Variants in MYT1L observed in about 807,000 individuals in gnomAD.
MYT1L encodes myelin transcription factor 1-like protein.
A neutral mutation model predicts 126.7 loss-of-function variants in MYT1L; 12 were observed. The observed-to-expected ratio is 0.09, with a 90% CI of 0.06 to 0.15. The LOEUF (loss-of-function observed/expected upper bound fraction) is 0.15, where lower values mean the gene tolerates loss of function less well. Among genes scored for constraint, MYT1L ranks in the 10% least tolerant of loss-of-function variants. The probability of loss-of-function intolerance (pLI) is 1.00; values close to 1 mark genes in which losing one functional copy is unlikely to be tolerated. For synonymous variants in MYT1L, 541 were observed against 604.2 expected (o/e 0.90, Z 1.53); for missense variants, 979 against 1,585.2 (o/e 0.62, Z 6.49).
At chr2:2,122,837 ATGTGTGTGTGTGTGTG>A (rs200951880) in intron 3 of MYT1L, among the ~76,000 whole-genome samples, 38 of 135,602 alleles carry the variant, frequency 2.8e-4, no homozygotes, top group Middle Eastern at 3.7e-3. Flanking sequence ...GAGGATAGGA[ATGTGTGTGTGTGTGTG>A]TGTGTGTGTG....
At chr2:2,007,825 G>T (rs2063472323) in intron 4 of MYT1L, among the ~76,000 whole-genome samples, 1 of 152,142 alleles carries the variant, frequency 6.6e-6, no homozygotes, top group Non-Finnish European at 1.5e-5. Context: ...TGCCAAACTA[G>T]CTTTGGGAGA....
intron 11 of MYT1L, among the ~76,000 whole-genome samples, chr2:1,915,563 T>C (rs181113422): frequency 6.6e-6 from 1 of 152,306 alleles, no homozygotes; most frequent in Non-Finnish European, 1.5e-5. Context: ...ATAAAGAAAC[T>C]CTTTCTTCTT....
chr2:1,936,005 G>A (rs954517330), intron 9 of MYT1L, among the ~76,000 whole-genome samples: 2 of 152,098 alleles, frequency 1.3e-5, no homozygotes, highest in South Asian at 4.1e-4. Context: ...AGCAACCTCC[G>A]CCTCCCAAGT....
At chr2:2,312,515 A>T (rs1438942545) in intron 1 of MYT1L, among the ~76,000 whole-genome samples, 3 of 152,064 alleles carry the variant, frequency 2.0e-5, no homozygotes, top group African/African-American at 7.2e-5. Context: ...CAGGAGGCTG[A>T]GGTGGGAGGA....
At chr2:2,038,018 T>C (rs2067080688) in intron 4 of MYT1L, among the ~76,000 whole-genome samples, 1 of 152,176 alleles carries the variant, frequency 6.6e-6, no homozygotes, top group African/African-American at 2.4e-5. Flanking sequence ...ATAAACTCTT[T>C]GAGAGGAGGA....
chr2:2,256,194 G>A (rs576130999), intron 2 of MYT1L, among the ~76,000 whole-genome samples: 66 of 152,316 alleles, frequency 4.3e-4, no homozygotes, highest in Middle Eastern at 3.4e-3. Context: ...GACATGGCAC[G>A]CTGCTCAAAG....
intron 22 of MYT1L, among the ~76,000 whole-genome samples, chr2:1,802,256 TCCTCCCGC>T (rs1369795350): frequency 1.3e-5 from 2 of 151,718 alleles, no homozygotes; most frequent in Admixed American, 1.3e-4. Context: ...CAAGGCCAGG[TCCTCCCGC>T]CCTCACTCAG....
intron 13 of MYT1L, among the ~76,000 whole-genome samples, chr2:1,909,321 T>G (rs140923837): frequency 6.6e-6 from 1 of 152,096 alleles, no homozygotes; most frequent in Non-Finnish European, 1.5e-5. Flanking sequence ...CTCTCTTTAA[T>G]AGTAAAAGCA....
intron 2 of MYT1L, among the ~76,000 whole-genome samples, chr2:2,261,588 G>A (rs1387677478): frequency 1.3e-5 from 2 of 152,214 alleles, no homozygotes; most frequent in Non-Finnish European, 2.9e-5. Context: ...TTTGGCTAAT[G>A]AGGCAAATAG....
At position 2,181,470 on chromosome 2, in the gene MYT1L, C is replaced by T. The variant is rs140797986; in HGVS notation, c.-420-8482G>A. On this transcript the variant is annotated intron_variant, in intron 2 of 24. Coordinates refer to ENST00000647738, the MANE Select transcript of MYT1L (RefSeq NM_001303052.2). ...AAATCAGAATTCTAGCAGTAAGCCC[C>T]GCTCTTAAAATATATAGAAATTACC... Among the ~76,000 whole-genome samples the T allele has an allele frequency of 3.1e-3, 470 of 152,180 alleles. 1 individual carries two copies. Among genetic ancestry groups the T allele is most frequent in the Middle Eastern group, 0.01 (3 of 294 alleles).
chr2:2,194,118 C>G (rs1004506207), intron 2 of MYT1L, among the ~76,000 whole-genome samples: 8 of 151,904 alleles, frequency 5.3e-5, no homozygotes, highest in South Asian at 2.1e-4. Flanking sequence ...CTCACTCTGT[C>G]CCCCAGGCTG....
At chr2:1,832,812 C>A (rs1452022920) in intron 21 of MYT1L, among the ~76,000 whole-genome samples, 2 of 152,222 alleles carry the variant, frequency 1.3e-5, no homozygotes, top group Non-Finnish European at 2.9e-5. Context: ...CCCATCTGGA[C>A]TAGACATTTC....
intron 2 of MYT1L, among the ~76,000 whole-genome samples, chr2:2,209,021 CA>C (rs2093411350): frequency 1.3e-5 from 2 of 152,078 alleles, no homozygotes; most frequent in Non-Finnish European, 2.9e-5. Context: ...CACACACACA[CA>C]CACCCCAAAT....
At chr2:2,053,240 G>T (rs2069059445) in intron 4 of MYT1L, among the ~76,000 whole-genome samples, 1 of 152,192 alleles carries the variant, frequency 6.6e-6, no homozygotes, top group African/African-American at 2.4e-5. Context: ...CAGAATGCTG[G>T]GACCCAGAGA....
chr2:2,322,128 C>T (rs1573570663), intron 1 of MYT1L, among the ~76,000 whole-genome samples: 4 of 151,376 alleles, frequency 2.6e-5, no homozygotes. Flanking sequence ...GGAATAGAGT[C>T]AAATAACCTT....
intron 3 of MYT1L, among the ~76,000 whole-genome samples, chr2:2,138,714 G>A: frequency 9.0e-6 from 1 of 110,832 alleles, no homozygotes; most frequent in African/African-American, 3.4e-5. Flanking sequence ...GGAGGGGGGA[G>A]GGATAGCATT....
Position 2,059,792 on chromosome 2 carries a change from C to G in MYT1L, c.-303-5669G>C, listed in dbSNP as rs138348609. 6.6e-6 allele frequency among the ~76,000 whole-genome samples: 1 copy of G among 152,248 alleles called. No homozygotes were observed. The highest frequency in any genetic ancestry group is 1.9e-4 in the East Asian group (1 of 5,182). Reference sequence around the variant, plus strand: ...TAGATAAATAATTATAAACGGATGACTGTCACTGAAAATGTGGTGGGTTTC... The same window carrying G: ...TAGATAAATAATTATAAACGGATGAGTGTCACTGAAAATGTGGTGGGTTTC... On this transcript the variant is annotated intron_variant, in intron 3 of 24. Transcript: ENST00000647738. This position sits in a 1 kb window ranked among gnomAD's most constrained non-coding sequence, Gnocchi z 4.7.
chr2:1,935,050 G>A lies in MYT1L; in HGVS notation c.505+7932C>T, dbSNP rs956077891. On this transcript the variant is annotated intron_variant, in intron 9 of 24. Coordinates refer to ENST00000647738, the MANE Select transcript of MYT1L (RefSeq NM_001303052.2). ...CAAAGAGAAGACTCTGATCTGCTTC[G>A]GCAGAGCTTGCAGAGACAACATGAC... 9.2e-5 allele frequency among the ~76,000 whole-genome samples: 14 copies of A among 152,080 alleles called. 1 individual carries two copies. The highest frequency in any genetic ancestry group is 3.9e-4 in the Admixed American group (6 of 15,264).
intron 3 of MYT1L, among the ~76,000 whole-genome samples, chr2:2,062,432 G>C (rs985766745): frequency 1.9e-4 from 29 of 152,234 alleles, no homozygotes; most frequent in African/African-American, 7.0e-4. Context: ...CGTCCACACT[G>C]GTTCTCTTGA....
Sources: gnomAD v4.1 joint callset for allele counts (sites outside exome capture counted in the v4.1 genomes callset) on GRCh38, gnomAD v4.1.1 for gene constraint, Gnocchi (gnomAD v3.1) non-coding constraint, MANE v1.5 for transcripts, NCBI Gene and HGNC (gene_info 2026-07-23, HGNC 2026-07-21) for gene names.